MEGF11: variants seen among roughly 807,000 people sequenced by gnomAD.
The protein encoded by MEGF11 is multiple epidermal growth factor-like domains protein 11.
A neutral mutation model predicts 146.6 loss-of-function variants in MEGF11; 126 were observed. The ratio of observed to expected loss-of-function variants is 0.86; its 90% CI spans 0.74 to 1.00. The LOEUF (loss-of-function observed/expected upper bound fraction) is 1.00. Ranked by LOEUF, MEGF11 falls within the 50% of genes least tolerant of loss-of-function variation. MEGF11 has a pLI of 0.00. For missense variants in MEGF11, 1,509 were observed against 1,521.2 expected, an observed-to-expected ratio of 0.99 and a Z score of 0.13; for synonymous variants, 532 against 583.4, an observed-to-expected ratio of 0.91 and a Z score of 1.27.
chr15:66,156,043 T>C (rs1325094501), intron 1 of MEGF11, among the ~76,000 whole-genome samples: 1 of 152,070 alleles, frequency 6.6e-6, no homozygotes, highest in African/African-American at 2.4e-5. Context: ...GGGAAGGAAG[T>C]ATGGATGAAT....
chr15:66,086,115 GA>G (rs986769165), intron 5 of MEGF11, among the ~76,000 whole-genome samples: 11 of 149,738 alleles, frequency 7.3e-5, no homozygotes, highest in Admixed American at 3.3e-4. Context: ...CAAAGACAAA[GA>G]AAAAAAAAGA....
At chr15:66,119,538 G>C (rs2087912069) in intron 3 of MEGF11, among the ~76,000 whole-genome samples, 1 of 152,150 alleles carries the variant, frequency 6.6e-6, no homozygotes, top group African/African-American at 2.4e-5. Context: ...AGCCCACGGG[G>C]TGACCTGGAT....
At chr15:66,065,491 G>C (rs1484407262) in intron 5 of MEGF11, among the ~76,000 whole-genome samples, 2 of 152,138 alleles carry the variant, frequency 1.3e-5, no homozygotes, top group African/African-American at 4.8e-5. Flanking sequence ...ACTGGTTGGG[G>C]GATGGGCTAA....
chr15:66,228,421 G>T (rs2091897123), intron 1 of MEGF11, among the ~76,000 whole-genome samples: 2 of 152,036 alleles, frequency 1.3e-5, no homozygotes, highest in Admixed American at 6.6e-5. Context: ...CTTGTGACAG[G>T]CTATGGAGCC....
At chr15:66,240,785 G>A (rs1417746669) in intron 1 of MEGF11, among the ~76,000 whole-genome samples, 1 of 152,200 alleles carries the variant, frequency 6.6e-6, no homozygotes, top group African/African-American at 2.4e-5. Context: ...CTTGCATGGG[G>A]TGACCCATAA....
At chr15:66,085,179 CAAG>C (rs1419499505) in intron 5 of MEGF11, among the ~76,000 whole-genome samples, 1 of 152,092 alleles carries the variant, frequency 6.6e-6, no homozygotes, top group Admixed American at 6.5e-5. Context: ...GAGATCTGCC[CAAG>C]AAGAGTCTGA....
intron 10 of MEGF11, among the ~76,000 whole-genome samples, chr15:65,956,198 A>C (rs1342699363): frequency 1.3e-5 from 2 of 152,192 alleles, no homozygotes; most frequent in African/African-American, 4.8e-5. Flanking sequence ...GTGCAGCCCA[A>C]GTTGAGACCC....
intron 1 of MEGF11, among the ~76,000 whole-genome samples, chr15:66,173,135 C>T (rs2090306697): frequency 6.6e-6 from 1 of 152,090 alleles, no homozygotes; most frequent in Non-Finnish European, 1.5e-5. Flanking sequence ...CCTGGAGCAC[C>T]CTTTCTTATG....
intron 9 of MEGF11, among the ~76,000 whole-genome samples, chr15:65,959,572 T>C (rs2080785864): frequency 6.6e-6 from 1 of 152,212 alleles, no homozygotes; most frequent in African/African-American, 2.4e-5. Context: ...TTAATACTTT[T>C]ATTCAGACTC....
intron 5 of MEGF11, among the ~76,000 whole-genome samples, chr15:66,031,319 T>C (rs9672542): frequency 1.3e-5 from 2 of 152,224 alleles, no homozygotes; most frequent in African/African-American, 4.8e-5. Context: ...ATACCCAGTC[T>C]GGTTTCCCTT....
At chr15:66,208,086 GAA>G (rs758591227) in intron 1 of MEGF11, among the ~76,000 whole-genome samples, 3 of 94,392 alleles carry the variant, frequency 3.2e-5, no homozygotes, top group Non-Finnish European at 2.3e-5. Flanking sequence ...CTGTGCCTCA[GAA>G]AAAAAAAAAA....
Position 66,060,644 on chromosome 15 carries a change from C to CG in MEGF11, c.394+33757dup, listed in dbSNP as rs1309921900. On this transcript the variant is annotated intron_variant, in intron 5 of 25. Coordinates refer to ENST00000395614, the MANE Select transcript of MEGF11 (RefSeq NM_001385028.1). ...GACCCCCCAAGGCACTTGGCCCCCC[C>CG]GCCATGGCTTCAGCCTTGGATGTTG... Among the ~76,000 whole-genome samples the CG allele has an allele frequency of 5.3e-5, 8 of 152,360 alleles. No homozygotes were observed. The East Asian group carries it at 1.5e-3, about 29-fold the overall frequency.
At chr15:66,182,075 C>G (rs893650766) in intron 1 of MEGF11, among the ~76,000 whole-genome samples, 1 of 152,188 alleles carries the variant, frequency 6.6e-6, no homozygotes, top group Non-Finnish European at 1.5e-5. Flanking sequence ...AGTGGAACTC[C>G]TCCCATATTT....
rs567972191 is a variant in MEGF11 at position 66,188,828 on chromosome 15, C to G, written c.-8-60417G>C. 2.6e-5 allele frequency among the ~76,000 whole-genome samples: 4 copies of G among 152,308 alleles called. No individual in the cohort carries two copies. In the East Asian group the frequency reaches 7.7e-4, roughly 29 times the overall value. Reference sequence around the variant, plus strand: ...GTGGACACCCTTGCAGAAAGAAAATCGAAAGTTAACCACATGTGCAATTTT... The same window carrying G: ...GTGGACACCCTTGCAGAAAGAAAATGGAAAGTTAACCACATGTGCAATTTT... On this transcript the variant is annotated intron_variant, in intron 1 of 25. Coordinates refer to ENST00000395614, the MANE Select transcript of MEGF11 (RefSeq NM_001385028.1).
intron 4 of MEGF11, among the ~76,000 whole-genome samples, chr15:66,112,152 G>A (rs1051300888): frequency 1.3e-5 from 2 of 151,206 alleles, no homozygotes; most frequent in South Asian, 2.1e-4. Context: ...CCATGAACAG[G>A]AGAATTGATA....
intron 1 of MEGF11, among the ~76,000 whole-genome samples, chr15:66,158,195 G>A (rs1029413946): frequency 3.3e-5 from 5 of 152,186 alleles, no homozygotes; most frequent in African/African-American, 1.2e-4. Context: ...CACCCCTCTA[G>A]CCAGAAGCAC....
At chr15:66,067,549 TCCTA>T (rs1208917077) in intron 5 of MEGF11, among the ~76,000 whole-genome samples, 1 of 152,202 alleles carries the variant, frequency 6.6e-6, no homozygotes. Flanking sequence ...CCCGGCAGCA[TCCTA>T]CCTGTGGCAG....
intron 1 of MEGF11, among the ~76,000 whole-genome samples, chr15:66,181,326 A>G (rs1294042450): frequency 6.6e-6 from 1 of 152,204 alleles, no homozygotes; most frequent in East Asian, 1.9e-4. Flanking sequence ...GGCTCACTGC[A>G]GCCTCAACCT....
intron 5 of MEGF11, among the ~76,000 whole-genome samples, chr15:66,022,296 G>T (rs1597000650): frequency 6.6e-6 from 1 of 152,348 alleles, no homozygotes; most frequent in South Asian, 2.1e-4. Flanking sequence ...CTGCAAAAAA[G>T]TGCCCAGTGT....
Sources: gnomAD v4.1 joint callset for allele counts (sites outside exome capture counted in the v4.1 genomes callset) on GRCh38, gnomAD v4.1.1 for gene constraint, MANE v1.5 for transcripts, NCBI Gene and HGNC (gene_info 2026-07-23, HGNC 2026-07-21) for gene names.